Variants in USP34 observed in about 807,000 individuals in gnomAD.
The protein encoded by USP34 is ubiquitin specific peptidase 34.
USP34 carries 70 observed loss-of-function variants against 460.3 expected under a neutral mutation model. The ratio of observed to expected loss-of-function variants is 0.15; its 90% CI spans 0.13 to 0.19. The LOEUF is 0.19. Ranked by LOEUF, USP34 falls within the 10% of genes least tolerant of loss-of-function variation. USP34 has a pLI of 1.00. For missense variants in USP34, 3,985 were observed against 4,236.2 expected, an observed-to-expected ratio of 0.94 and a Z score of 1.65; for synonymous variants, 1,647 against 1,405.3, an observed-to-expected ratio of 1.17 and a Z score of -3.85.
chr2:61,410,865 C>G (rs1573013944), intron 2 of USP34, among the ~76,000 whole-genome samples: 1 of 151,890 alleles, frequency 6.6e-6, no homozygotes, highest in East Asian at 1.9e-4. Context: ...AAAAATCAAC[C>G]CCACAGAACA....
chr2:61,326,303 G>A (rs553566092), intron 20 of USP34, among the ~76,000 whole-genome samples: 2 of 152,286 alleles, frequency 1.3e-5, no homozygotes, highest in South Asian at 4.1e-4. Context: ...TGCCTTCCAG[G>A]TTCAAGTGAT....
intron 20 of USP34, among the ~76,000 whole-genome samples, chr2:61,326,942 C>G (rs929232426): frequency 6.6e-6 from 1 of 151,924 alleles, no homozygotes; most frequent in Non-Finnish European, 1.5e-5. Flanking sequence ...TGCCTCCACA[C>G]CCAGCTGATT....
rs34463913 is a variant in USP34, at chr2:61,378,913, G to GAAAAAAAAAAAA, written c.1015-501_1015-490dup. 2.9e-4 allele frequency among the ~76,000 whole-genome samples: 17 copies of GAAAAAAAAAAAA among 57,870 alleles called. 1 individual carries two copies. The highest frequency in any genetic ancestry group is 1.2e-3 in the South Asian group (1 of 854). The allele number at this position is 57,870 out of a possible 152,430, so 38.0% of individuals were successfully genotyped here. On this transcript the variant is annotated intron_variant, in intron 7 of 79. Coordinates refer to ENST00000398571, the MANE Select transcript of USP34 (RefSeq NM_014709.4). ...GAGTGAGAGTCCATCTCAAAAAAACGAAAAAAAAAAAAAAAAAAAAAAAAC... is the reference window on the plus strand; with the variant it reads ...GAGTGAGAGTCCATCTCAAAAAAACGAAAAAAAAAAAAAAAAAAAAAAAAAAAAAAAAAAAAC...
chr2:61,345,381 A>G (rs189162992), intron 15 of USP34, among the ~76,000 whole-genome samples: 12 of 152,338 alleles, frequency 7.9e-5, no homozygotes. Flanking sequence ...AAGGAAATAA[A>G]GAAGTAATAT....
Position 61,445,149 on chromosome 2 carries a change from A to G in USP34, c.44-24316T>C, listed in dbSNP as rs1452526680. ...CAAACACTGAAAAAAAAATTTGTCAACAGCAGAACCACACTAAACACACAC... is the reference window on the plus strand; with the variant it reads ...CAAACACTGAAAAAAAAATTTGTCAGCAGCAGAACCACACTAAACACACAC... On this transcript the variant is annotated intron_variant, in intron 1 of 79. Coordinates refer to ENST00000398571, the MANE Select transcript of USP34 (RefSeq NM_014709.4). 2.7e-5 allele frequency among the ~76,000 whole-genome samples: 4 copies of G among 150,024 alleles called. No individual in the cohort carries two copies. In the East Asian group the frequency reaches 5.8e-4, roughly 22 times the overall value.
chr2:61,254,630 C>T (rs1261084887), intron 48 of USP34, among the ~76,000 whole-genome samples: 2 of 152,234 alleles, frequency 1.3e-5, no homozygotes, highest in African/African-American at 4.8e-5. Context: ...TACTCAACTA[C>T]TCTGTCCTAA....
chr2:61,190,445 A>C (rs772313535), intron 77 of USP34, 31 bp from the exon 78 acceptor site: 4 of 1,600,572 alleles, frequency 2.5e-6, no homozygotes, highest in East Asian at 4.5e-5. Flanking sequence ...AAATCTCCAA[A>C]AGACCAGCAT....
At chr2:61,249,176 A>G (rs1572870359) in intron 48 of USP34, among the ~76,000 whole-genome samples, 1 of 152,202 alleles carries the variant, frequency 6.6e-6, no homozygotes. Context: ...TTTTCTTTTC[A>G]TATTGAGAAC....
intron 1 of USP34, among the ~76,000 whole-genome samples, chr2:61,435,382 C>T (rs1694785277): frequency 7.1e-6 from 1 of 140,736 alleles, no homozygotes. Context: ...AAAGTATCTC[C>T]ACCAGACTAA....
chr2:61,212,631 C>G (rs181162962), intron 68 of USP34, among the ~76,000 whole-genome samples: 96 of 152,314 alleles, frequency 6.3e-4, no homozygotes, highest in African/African-American at 2.0e-3. Context: ...GACTGCTCTT[C>G]TAACACATAC....
At position 61,220,470 on chromosome 2, in the gene USP34, T is replaced by A. The variant is rs553458557; in HGVS notation, c.7900-13A>T. On this transcript the variant is annotated splice_polypyrimidine_tract_variant and intron_variant, in intron 66 of 79. Coordinates refer to ENST00000398571, the MANE Select transcript of USP34 (RefSeq NM_014709.4). ...TGTATTCAATCACCTACAAATAACA[T>A]GACAAGAACAGAATATAAGGCCAAC... 1.6e-5 allele frequency: 26 copies of A among 1,599,594 alleles called. No individual in the cohort carries two copies. In the Middle Eastern group the frequency reaches 6.7e-4, roughly 41 times the overall value.
chr2:61,442,266 C>G (rs1004692371), intron 1 of USP34, among the ~76,000 whole-genome samples: 5 of 151,968 alleles, frequency 3.3e-5, no homozygotes, highest in Admixed American at 6.6e-5. Flanking sequence ...TTATGTCAAA[C>G]TACAAAACTT....
chr2:61,356,475 G>GCGCGCACGCACGCACACA (rs369666693), intron 10 of USP34, among the ~76,000 whole-genome samples: 1 of 128,332 alleles, frequency 7.8e-6, no homozygotes, highest in African/African-American at 2.7e-5. Context: ...GGGTGAAAGC[G>GCGCGCACGCACGCACACA]CACACACACA....
At chr2:61,257,558 T>C (rs1404465164) in intron 44 of USP34, among the ~76,000 whole-genome samples, 1 of 152,190 alleles carries the variant, frequency 6.6e-6, no homozygotes, top group Non-Finnish European at 1.5e-5. Context: ...TTACCTAGGA[T>C]ATTTGTATTT....
chr2:61,277,722 C>G (rs1199282451), intron 41 of USP34: 2 of 154,072 alleles, frequency 1.3e-5, no homozygotes, highest in East Asian at 1.9e-4. Flanking sequence ...CAATGTGATA[C>G]AGTTTGGCCG....
At chr2:61,341,906 G>C (rs1219295867) in intron 16 of USP34, among the ~76,000 whole-genome samples, 1 of 151,574 alleles carries the variant, frequency 6.6e-6, no homozygotes, top group Non-Finnish European at 1.5e-5. Context: ...GGGACGACAG[G>C]TGCCCGCCAT....
At chr2:61,439,887 G>A (rs1006339409) in intron 1 of USP34, among the ~76,000 whole-genome samples, 1 of 152,138 alleles carries the variant, frequency 6.6e-6, no homozygotes, top group Non-Finnish European at 1.5e-5. Flanking sequence ...TCTGTGGATG[G>A]CTGCACTGTG....
chr2:61,469,587 A>G (rs1192541225), intron 1 of USP34, among the ~76,000 whole-genome samples: 3 of 152,214 alleles, frequency 2.0e-5, no homozygotes, highest in Non-Finnish European at 4.4e-5. Context: ...GTGACAGTCA[A>G]ACACAAATAC....
chr2:61,298,089 C>T (rs558847046), intron 29 of USP34, among the ~76,000 whole-genome samples: 61 of 152,032 alleles, frequency 4.0e-4, no homozygotes, highest in Non-Finnish European at 6.9e-4. Flanking sequence ...TAAGTATGTT[C>T]TGCAATGACT....
Sources: gnomAD v4.1 joint callset for allele counts (sites outside exome capture counted in the v4.1 genomes callset) on GRCh38, gnomAD v4.1.1 for gene constraint, MANE v1.5 for transcripts, NCBI Gene and HGNC (gene_info 2026-07-23, HGNC 2026-07-21) for gene names.